Variants in SUN5 observed in about 807,000 individuals in gnomAD.
SUN5 encodes SUN domain-containing protein 5.
SUN5 carries 44 observed loss-of-function variants against 53.7 expected under a neutral mutation model. That is an observed-to-expected ratio of 0.82 (90% CI 0.64 to 1.05). The LOEUF (loss-of-function observed/expected upper bound fraction) is 1.05, where lower values mean the gene tolerates loss of function less well. SUN5 is among the 50% of genes least tolerant of loss of function. SUN5 has a pLI of 0.00. For missense variants in SUN5, 433 were observed against 483.8 expected, an observed-to-expected ratio of 0.90 and a Z score of 0.98; for synonymous variants, 166 against 179.8, an observed-to-expected ratio of 0.92 and a Z score of 0.62.
At chr20:32,992,426 C>T (rs1483204580) in intron 8 of SUN5, among the ~76,000 whole-genome samples, 1 of 152,174 alleles carries the variant, frequency 6.6e-6, no homozygotes, top group East Asian at 1.9e-4. Context: ...GAGGAATCTG[C>T]ATATTCCCTG....
At chr20:32,985,949 G>A in intron 10 of SUN5, 46 bp from the exon 11 acceptor site, 1 of 1,582,344 alleles carries the variant, frequency 6.3e-7, no homozygotes, top group Non-Finnish European at 8.6e-7. Flanking sequence ...TGGGTAGGGG[G>A]ATCATCCCAC....
intron 3 of SUN5, among the ~76,000 whole-genome samples, chr20:33,001,534 C>CTT (rs1243020255): frequency 1.5e-5 from 2 of 134,174 alleles, no homozygotes; most frequent in Admixed American, 6.9e-5. Flanking sequence ...TTCTTTCTTT[C>CTT]TTTCTTTCTT....
At chr20:32,993,239 G>A (rs534519106) in intron 8 of SUN5, among the ~76,000 whole-genome samples, 2 of 152,334 alleles carry the variant, frequency 1.3e-5, no homozygotes, top group South Asian at 2.1e-4. Context: ...CCAGATTGAC[G>A]GATTCCAAAG....
intron 4 of SUN5, 58 bp from the exon 5 acceptor site, chr20:33,000,193 C>G: frequency 6.5e-7 from 1 of 1,536,794 alleles, no homozygotes; most frequent in Middle Eastern, 2.1e-4. Flanking sequence ...CAAGTGTTCA[C>G]CCTCCTCCTC....
intron 12 of SUN5, 113 bp from the exon 13 acceptor site, chr20:32,984,062 C>T: frequency 1.5e-6 from 2 of 1,352,806 alleles, no homozygotes; most frequent in Non-Finnish European, 2.0e-6. Context: ...AACTAAGGCC[C>T]AGACAGGAGG....
intron 4 of SUN5, 95 bp from the exon 5 acceptor site, chr20:33,000,230 T>C (rs942364796): frequency 2.0e-5 from 29 of 1,416,654 alleles, no homozygotes; most frequent in Middle Eastern, 2.5e-4. Context: ...GTAGGCATGC[T>C]GTTTGCCCTA....
chr20:32,996,092 T>C (rs2146333424), intron 7 of SUN5, among the ~76,000 whole-genome samples: 1 of 152,262 alleles, frequency 6.6e-6, no homozygotes, highest in East Asian at 1.9e-4. Flanking sequence ...TTAGCACCCA[T>C]AATTGCCAAG....
chr20:33,003,642 T>C (rs1251730752), intron 1 of SUN5, among the ~76,000 whole-genome samples: 1 of 152,212 alleles, frequency 6.6e-6, no homozygotes, highest in East Asian at 1.9e-4. Context: ...CCTCAGAGTA[T>C]TTATATTGGT....
chr20:33,002,261 C>T (rs6059010), intron 3 of SUN5, among the ~76,000 whole-genome samples: 37,333 of 151,934 alleles, frequency 0.25, 4,820 homozygotes, highest in Admixed American at 0.29. Flanking sequence ...GTGGATGTAC[C>T]TATGAAATAA....
At chr20:32,993,756 G>A (rs1473466006) in intron 8 of SUN5, among the ~76,000 whole-genome samples, 1 of 152,210 alleles carries the variant, frequency 6.6e-6, no homozygotes, top group Non-Finnish European at 1.5e-5. Flanking sequence ...GAACACAGAT[G>A]ATTGGTTTGC....
rs1990129698 is a variant in SUN5, at chr20:33,004,314, C to G, written c.27G>C (p.Gly9=). Residue 9 remains glycine (G), a synonymous_variant, in exon 1 of 13, where the codon GGG becomes GGC. Transcript: ENST00000356173. ...CATCTTCGAGTAGGGCGCCTGGGTC[C>G]CCAGGGCTCCTTGAGGACCGTGGCA... MPRSSRSP[G]DPGALLEDVA... 7.0e-6 allele frequency: 11 copies of G among 1,573,804 alleles called. No homozygotes were observed. Among genetic ancestry groups the G allele is most frequent in the Non-Finnish European group, 9.5e-6 (11 of 1,159,346 alleles).
chr20:32,986,041 C>A, intron 10 of SUN5, 138 bp from the exon 11 acceptor site: 1 of 893,014 alleles, frequency 1.1e-6, no homozygotes, highest in Non-Finnish European at 1.7e-6. Context: ...GTGCCACCCC[C>A]TCCAGGAAGC....
intron 9 of SUN5, 101 bp from the exon 10 acceptor site, chr20:32,987,876 A>T: frequency 1.2e-6 from 1 of 830,770 alleles, no homozygotes; most frequent in Middle Eastern, 2.4e-4. Context: ...AGCATTTTGG[A>T]TGAGTCACTG....
intron 8 of SUN5, among the ~76,000 whole-genome samples, chr20:32,991,440 C>A (rs1441665329): frequency 6.6e-6 from 1 of 152,214 alleles, no homozygotes; most frequent in Admixed American, 6.5e-5. Context: ...GGCACAAAGA[C>A]GGTAAGTAAA....
chr20:33,001,057 G>A (rs1446813976), intron 4 of SUN5, among the ~76,000 whole-genome samples, 155 bp downstream of exon 4: 1 of 152,068 alleles, frequency 6.6e-6, no homozygotes, highest in Non-Finnish European at 1.5e-5. Flanking sequence ...GGCCACAGTG[G>A]GTTCTGGGGT....
In SUN5 at chr20:33,002,659, C is replaced by T; in HGVS notation, c.139G>A (p.Asp47Asn). 6.2e-7 allele frequency: 1 copy of T among 1,614,236 alleles called. No homozygotes were observed. The highest frequency in any genetic ancestry group is 1.1e-5 in the South Asian group (1 of 91,064). ...MAEDTSPNMN[D>N]NILLPVRNND... ...TTGCGGACAGGCAACAGGATGTTGT[C>T]ATCTGCAGAGAGCACAGGACTGTCA... The change falls in exon 3 of 13, where the codon GAC becomes AAC. Residue 47 changes from aspartate to asparagine, a missense_variant and splice_region_variant. By Grantham distance (23) the Asp-to-Asn change is conservative. Transcript: ENST00000356173.
intron 8 of SUN5, among the ~76,000 whole-genome samples, chr20:32,995,291 A>G (rs1004002431): frequency 3.9e-5 from 6 of 152,242 alleles, no homozygotes; most frequent in Non-Finnish European, 7.3e-5. Flanking sequence ...CAAAGGATCA[A>G]TAATAAGAGT....
intron 10 of SUN5, among the ~76,000 whole-genome samples, chr20:32,986,712 C>T (rs558442570): frequency 7.4e-4 from 113 of 152,220 alleles, no homozygotes; most frequent in African/African-American, 2.5e-3. Flanking sequence ...GGGAGAGGGC[C>T]CAGGAGGGGC....
intron 5 of SUN5, among the ~76,000 whole-genome samples, chr20:32,999,169 A>G (rs1427219455): frequency 6.6e-6 from 1 of 152,254 alleles, no homozygotes; most frequent in Non-Finnish European, 1.5e-5. Context: ...TTGTGTTATA[A>G]CTAAAAATCG....
Sources: allele counts gnomAD v4.1 joint callset (sites outside exome capture counted in the v4.1 genomes callset), GRCh38; gene constraint gnomAD v4.1.1; transcripts MANE v1.5; gene names NCBI Gene and HGNC (gene_info 2026-07-23, HGNC 2026-07-21).